Variants in TMX4 observed in about 807,000 individuals in gnomAD.
TMX4 encodes thioredoxin related transmembrane protein 4, also known as thioredoxin-related transmembrane protein 4.
TMX4 carries 23 observed loss-of-function variants against 33.3 expected under a neutral mutation model. That is an observed-to-expected ratio of 0.69 (90% CI 0.50 to 0.98). The LOEUF (loss-of-function observed/expected upper bound fraction) is 0.98, where lower values mean the gene tolerates loss of function less well. Among genes scored for constraint, TMX4 ranks in the 50% least tolerant of loss-of-function variants. The pLI is 0.00. For missense variants in TMX4, 399 were observed against 448.9 expected (o/e 0.89, Z 1.01); for synonymous variants, 164 against 161.5 (o/e 1.02, Z -0.12).
chr20:7,991,685 G>A (rs1006066274), intron 5 of TMX4, among the ~76,000 whole-genome samples: 6 of 152,168 alleles, frequency 3.9e-5, no homozygotes, highest in African/African-American at 1.2e-4. Flanking sequence ...AGTATTCCAC[G>A]TTGGCTATAA....
chr20:8,009,405 T>C (rs1349282667), intron 2 of TMX4, among the ~76,000 whole-genome samples: 4 of 152,054 alleles, frequency 2.6e-5, no homozygotes, highest in Admixed American at 2.6e-4. Flanking sequence ...AATATCTGAT[T>C]CAGGCAAGAG....
chr20:7,989,082 G>C (rs1195214349), intron 5 of TMX4, among the ~76,000 whole-genome samples: 2 of 151,362 alleles, frequency 1.3e-5, no homozygotes, highest in Non-Finnish European at 2.9e-5. Context: ...GCGTGTTTGA[G>C]ATATCAAAAC....
chr20:8,017,758 ACT>A (rs1264507145), intron 1 of TMX4, among the ~76,000 whole-genome samples: 1 of 152,204 alleles, frequency 6.6e-6, no homozygotes, highest in South Asian at 2.1e-4. Flanking sequence ...TTTATCCCAA[ACT>A]CTTAAAATTA....
Position 8,010,300 on chromosome 20 carries a change from A to C in TMX4, c.192T>G (p.Cys64Trp). 6.2e-7 allele frequency: 1 copy of C among 1,610,504 alleles called. No homozygotes were observed. The highest frequency in any genetic ancestry group is 8.5e-7 in the Non-Finnish European group (1 of 1,177,634). The change falls in exon 2 of 8, where the codon TGT becomes TGG. Residue 64 changes from cysteine (C) to tryptophan (W), a missense_variant. Transcript: ENST00000246024. ...CTGAATCAGTCTGCTGGCAGGATGGACACCATGGGGCGTAACTATAAGAGA... is the reference window on the plus strand; with the variant it reads ...CTGAATCAGTCTGCTGGCAGGATGGCCACCATGGGGCGTAACTATAAGAGA... ...EWMLKFYAPW[C>W]PSCQQTDSEW...
At chr20:8,017,809 TAA>T (rs77823155) in intron 1 of TMX4, among the ~76,000 whole-genome samples, 12,321 of 152,212 alleles carry the variant, frequency 0.081, 1,076 homozygotes, top group East Asian at 0.53. Flanking sequence ...CCACTTATTT[TAA>T]AAGTTTCTCA....
rs373472571 is a variant in TMX4, at chr20:7,982,398, G to C, written c.903C>G (p.Pro301=). 1 of 1,613,960 alleles carries C rather than the reference G, an allele frequency of 6.2e-7. No homozygotes were observed. Among genetic ancestry groups the C allele is most frequent in the Non-Finnish European group, 8.5e-7 (1 of 1,179,998 alleles). ...EERSEANDQG[P]PGEDGVTREE... is the part of the protein sequence containing the mutation. ...CCCGGGTCACACCGTCCTCTCCTGG[G>C]GGCCCCTGATCATTGGCCTCACTTC... The change falls in exon 8 of 8, where the codon CCC becomes CCG. Residue 301 remains proline, a synonymous_variant. Coordinates refer to ENST00000246024, the MANE Select transcript of TMX4 (RefSeq NM_021156.4).
chr20:8,009,808 TAAC>T (rs2050744896), intron 2 of TMX4, among the ~76,000 whole-genome samples: 1 of 144,022 alleles, frequency 6.9e-6, no homozygotes, highest in African/African-American at 2.6e-5. Flanking sequence ...TAAAAAGACT[TAAC>T]AACCAAATGT....
rs2050607962 is a variant in TMX4, at chr20:7,981,979, ACT to A, written c.*270_*271del. On this transcript the variant is annotated 3_prime_UTR_variant, in exon 8 of 8. Coordinates refer to ENST00000246024, the MANE Select transcript of TMX4 (RefSeq NM_021156.4). ...CTGGGAATGGCCTCCTCTGGTCGAG[ACT>A]CTCTGACCCCTAAGTAAATGAACTT... is the stretch of plus-strand genomic sequence containing the variant. The A allele has an allele frequency of 5.4e-6, 2 of 371,104 alleles. No homozygotes were observed. The highest frequency in any genetic ancestry group is 5.3e-5 in the East Asian group (1 of 18,764). 23.0% of individuals were successfully genotyped at this position (371,104 alleles called of 1,614,324 possible).
intron 5 of TMX4, 141 bp downstream of exon 5, chr20:7,995,885 A>G: frequency 1.5e-6 from 1 of 673,300 alleles, no homozygotes; most frequent in African/African-American, 1.8e-5. Flanking sequence ...TGGAAACCCC[A>G]CATGAGAGTA....
intron 3 of TMX4, among the ~76,000 whole-genome samples, chr20:8,000,987 C>T (rs80275291): frequency 0.014 from 2,078 of 152,244 alleles, 55 homozygotes; most frequent in East Asian, 0.065. Context: ...TAATCAGTCA[C>T]CAAGTCCCAC....
chr20:7,995,932 G>A lies in TMX4; in HGVS notation c.513+94C>T. 1.7e-5 allele frequency: 18 copies of A among 1,044,910 alleles called. 1 individual carries two copies. In the South Asian group the frequency reaches 2.5e-4, roughly 15 times the overall value. 64.7% of individuals were successfully genotyped at this position (1,044,910 alleles called of 1,614,324 possible). A position where few individuals can be genotyped will look rare whatever the true frequency, so the allele number is the denominator to read the frequency against. On this transcript the variant is annotated intron_variant, in intron 5 of 7. Transcript: ENST00000246024. ...TAAGAAAAAAAGTGAAATTATAAAT[G>A]TACTTATAAATGTTTGTTTTCCTAT...
chr20:8,001,584 C>A (rs2050707795), intron 2 of TMX4, 43 bp from the exon 3 acceptor site: 2 of 1,547,736 alleles, frequency 1.3e-6, no homozygotes, highest in African/African-American at 1.4e-5. Context: ...CTTAAGTCCT[C>A]CAAAAAAAGC....
intron 7 of TMX4, 75 bp downstream of exon 7, chr20:7,983,719 T>A: frequency 8.5e-7 from 1 of 1,169,592 alleles, no homozygotes; most frequent in Non-Finnish European, 1.2e-6. Flanking sequence ...GAAAACCCAC[T>A]ATCTATATGA....
chr20:8,019,443 CA>C lies in TMX4; in HGVS notation c.170del (p.Leu57ArgfsTer35). Reference protein sequence around the residue: ...WTLVMEGEWMLKFYAPWCPSC... With the variant: ...WTLVMEGEWMXKFYAPWCPSC... Reference sequence around the variant, plus strand: ...GGGCGGGCGGGCACACTCACAATTTCAGCATCCACTCGCCCTCCATCACCAG... The same window carrying C: ...GGGCGGGCGGGCACACTCACAATTTCGCATCCACTCGCCCTCCATCACCAG... On this transcript the variant is annotated frameshift_variant, in exon 1 of 8. Transcript: ENST00000246024. LOFTEE classifies it high-confidence loss of function. 1 of 1,517,390 alleles carries C rather than the reference CA, an allele frequency of 6.6e-7. No homozygotes were observed. Among genetic ancestry groups the C allele is most frequent in the Non-Finnish European group, 8.8e-7 (1 of 1,131,962 alleles). The allele number at this position is 1,517,390 out of a possible 1,614,324, so 94.0% of individuals were successfully genotyped here. A position where few individuals can be genotyped will look rare whatever the true frequency, so the allele number is the denominator to read the frequency against.
intron 5 of TMX4, among the ~76,000 whole-genome samples, chr20:7,987,981 T>C (rs970862903): frequency 6.6e-6 from 1 of 152,200 alleles, no homozygotes; most frequent in African/African-American, 2.4e-5. Flanking sequence ...ATAGAGTGTA[T>C]ATCCCTTCAT....
In TMX4 at chr20:7,983,796, G is replaced by C; in HGVS notation, c.677C>G (p.Ser226Cys). The C allele has an allele frequency of 1.2e-6, 2 of 1,613,100 alleles. No homozygotes were observed. The highest frequency in any genetic ancestry group is 1.7e-6 in the Non-Finnish European group (2 of 1,179,502). ...VPLPRHLSER[S>C]EQNRRSEEAH... is the part of the protein sequence containing the mutation. ...TCACAGGAGCTTATCGTACTTACCAGAACGCTCAGATAAATGCCTTGGAAG... is the reference window on the plus strand; with the variant it reads ...TCACAGGAGCTTATCGTACTTACCACAACGCTCAGATAAATGCCTTGGAAG... The change falls in exon 7 of 8, where the codon TCT (serine) becomes TGT (cysteine). Residue 226 changes from serine to cysteine, a missense_variant and splice_region_variant. By Grantham distance (112) the Ser-to-Cys change is moderately radical. Coordinates refer to ENST00000246024, the MANE Select transcript of TMX4 (RefSeq NM_021156.4).
chr20:8,010,428 A>ACTC, intron 1 of TMX4, 113 bp from the exon 2 acceptor site: 1 of 640,602 alleles, frequency 1.6e-6, no homozygotes, highest in South Asian at 4.8e-5. Flanking sequence ...AAATTATAAA[A>ACTC]GGAGGCTTTT....
At chr20:7,998,880 G>C (rs1325628401) in intron 4 of TMX4, among the ~76,000 whole-genome samples, 1 of 152,090 alleles carries the variant, frequency 6.6e-6, no homozygotes, top group Non-Finnish European at 1.5e-5. Flanking sequence ...TGTAAAATAT[G>C]TTGTTGTGTT....
In TMX4 at chr20:7,999,793, A is replaced by G. The variant is rs2050695844; in HGVS notation, c.406T>C (p.Leu136=). The change falls in exon 4 of 8, where the codon TTA becomes CTA. Residue 136 remains leucine (L), a synonymous_variant. Coordinates refer to ENST00000246024, the MANE Select transcript of TMX4 (RefSeq NM_021156.4). ...GIFEDLQNYI[L]EKKWQSVEPL... ...TCGACTGATTGCCATTTCTTCTCTA[A>G]GATATAATTCTGCAGGTCTTCGAAG... is the stretch of plus-strand genomic sequence containing the variant. The G allele has an allele frequency of 8.1e-6, 13 of 1,613,670 alleles. No homozygotes were observed. Among genetic ancestry groups the G allele is most frequent in the Non-Finnish European group, 1.1e-5 (13 of 1,179,890 alleles).
Sources: allele counts gnomAD v4.1 joint callset (sites outside exome capture counted in the v4.1 genomes callset), GRCh38; gene constraint gnomAD v4.1.1; transcripts MANE v1.5; gene names NCBI Gene and HGNC (gene_info 2026-07-23, HGNC 2026-07-21).